Variants in CACNA1D observed in about 807,000 individuals in gnomAD.
The protein encoded by CACNA1D is calcium voltage-gated channel subunit alpha1 D.
A neutral mutation model predicts 257.1 loss-of-function variants in CACNA1D; 55 were observed. The ratio of observed to expected loss-of-function variants is 0.21; its 90% CI spans 0.17 to 0.27. The LOEUF is 0.27. Among genes scored for constraint, CACNA1D ranks in the 10% least tolerant of loss-of-function variants. The probability of loss-of-function intolerance (pLI) is 1.00; values close to 1 mark genes in which losing one functional copy is unlikely to be tolerated. For synonymous variants in CACNA1D, 980 were observed against 1,014.9 expected (o/e 0.97, Z 0.65); for missense variants, 1,876 against 2,784.0 (o/e 0.67, Z 7.34).
At chr3:53,660,506 T>G (rs1254011433) in intron 5 of CACNA1D, among the ~76,000 whole-genome samples, 1 of 152,172 alleles carries the variant, frequency 6.6e-6, no homozygotes, top group Non-Finnish European at 1.5e-5. Context: ...CGAAAGAATC[T>G]TCTCTTGCAG....
chr3:53,774,803 G>A lies in CACNA1D; in HGVS notation c.4202+125G>A. On this transcript the variant is annotated intron_variant, in intron 34 of 47. Transcript: ENST00000350061. The surrounding 1 kb of genome is among the most constrained non-coding windows in gnomAD (Gnocchi z 4.3). Reference sequence around the variant, plus strand: ...TCTCAGTTGATTGTGATGGCTTTTTGTTTTTGTTTGTTCTGTATTCTTAAA... The same window carrying A: ...TCTCAGTTGATTGTGATGGCTTTTTATTTTTGTTTGTTCTGTATTCTTAAA... 1 of 663,022 alleles carries A rather than the reference G, an allele frequency of 1.5e-6. No individual in the cohort carries two copies. Among genetic ancestry groups the A allele is most frequent in the African/African-American group, 1.8e-5 (1 of 56,122 alleles). 41.1% of individuals were successfully genotyped at this position (663,022 alleles called of 1,614,324 possible).
chr3:53,781,203 G>A (rs775660043), intron 38 of CACNA1D, among the ~76,000 whole-genome samples: 4 of 152,178 alleles, frequency 2.6e-5, no homozygotes, highest in East Asian at 1.9e-4. Flanking sequence ...AAGGAGGTAC[G>A]ATTTGGAACA....
In CACNA1D at chr3:53,673,078, T is replaced by A; in HGVS notation, c.1172T>A (p.Ile391Asn). ...TGGGTGTATTTTGTCAGTCTCGTCA[T>A]CTTTGGGTCATTTTTCGTACTAAAT... The part of the protein sequence containing the change: ...LPWVYFVSLV[I>N]FGSFFVLNLV... The change falls in exon 8 of 48, where the codon ATC becomes AAC. Residue 391 changes from isoleucine (I) to asparagine (N), a missense_variant. Physicochemically the swap from Ile to Asn is moderately radical, Grantham distance 149. This residue lies in a region of CACNA1D where 188 missense variants were observed against 390.4 expected (regional missense o/e 0.48). Transcript: ENST00000350061. This position sits in a 1 kb window ranked among gnomAD's most constrained non-coding sequence, Gnocchi z 4.1. The A allele has an allele frequency of 6.4e-7, 1 of 1,552,532 alleles. No individual in the cohort carries two copies. Among genetic ancestry groups the A allele is most frequent in the African/African-American group, 1.4e-5 (1 of 73,218 alleles).
intron 3 of CACNA1D, among the ~76,000 whole-genome samples, chr3:53,638,905 C>T (rs1395883390): frequency 6.6e-6 from 1 of 152,188 alleles, no homozygotes; most frequent in Non-Finnish European, 1.5e-5. Flanking sequence ...ACTTTCTCAG[C>T]AGTCCTTTGA....
rs572897974 is a variant in CACNA1D at position 53,495,546 on chromosome 3, C to G, written c.67+313C>G. On this transcript the variant is annotated intron_variant, in intron 1 of 47. Transcript: ENST00000350061. The surrounding 1 kb of genome is among the most constrained non-coding windows in gnomAD (Gnocchi z 5.1). Reference sequence around the variant, plus strand: ...GTCCTCGGGCTCAACTTTCCTTCAACGCCCCCGAGCGATGGCAGGAGGGCC... The same window carrying G: ...GTCCTCGGGCTCAACTTTCCTTCAAGGCCCCCGAGCGATGGCAGGAGGGCC... Among the ~76,000 whole-genome samples, 9 of 152,270 alleles carry G rather than the reference C, an allele frequency of 5.9e-5. No homozygotes were observed. In the South Asian group the frequency reaches 1.9e-3, roughly 32 times the overall value.
At chr3:53,572,138 C>G (rs1364335966) in intron 3 of CACNA1D, among the ~76,000 whole-genome samples, 1 of 152,148 alleles carries the variant, frequency 6.6e-6, no homozygotes, top group Non-Finnish European at 1.5e-5. Context: ...TGTTGCTATT[C>G]TAGACTTGTA....
intron 8 of CACNA1D, among the ~76,000 whole-genome samples, chr3:53,687,983 A>G (rs752664298): frequency 2.6e-5 from 4 of 152,258 alleles, no homozygotes; most frequent in Non-Finnish European, 4.4e-5. Flanking sequence ...CATTGTTTAT[A>G]GAAACATAAA....
chr3:53,521,356 G>T (rs2091568389), intron 3 of CACNA1D, among the ~76,000 whole-genome samples: 1 of 152,152 alleles, frequency 6.6e-6, no homozygotes, highest in African/African-American at 2.4e-5. Context: ...TCAATTTCTT[G>T]ATGGTATCCT....
intron 40 of CACNA1D, among the ~76,000 whole-genome samples, chr3:53,788,182 G>A (rs182182727): frequency 8.5e-5 from 13 of 152,272 alleles, no homozygotes; most frequent in East Asian, 1.9e-4. Flanking sequence ...TGTGTATCTC[G>A]TGGGTTAGTA....
At chr3:53,544,490 C>T (rs1199584566) in intron 3 of CACNA1D, among the ~76,000 whole-genome samples, 1 of 151,900 alleles carries the variant, frequency 6.6e-6, no homozygotes, top group Non-Finnish European at 1.5e-5. Context: ...GCTTCATGCA[C>T]TATGAAAAGG....
chr3:53,527,426 T>C (rs568645987), intron 3 of CACNA1D, among the ~76,000 whole-genome samples: 1 of 152,382 alleles, frequency 6.6e-6, no homozygotes, highest in Admixed American at 6.5e-5. Flanking sequence ...TTATTAGGAT[T>C]GTATTCTCAA....
Position 53,601,764 on chromosome 3 carries a change from G to A in CACNA1D, c.484-49015G>A, listed in dbSNP as rs113271274. ...CACCCAGGCTAGAGTGCAGAGGCAC[G>A]ATCTCAGCTTGTCTTGGCTCACTGC... On this transcript the variant is annotated intron_variant, in intron 3 of 47. Coordinates refer to ENST00000350061, the MANE Select transcript of CACNA1D (RefSeq NM_001128840.3). Among the ~76,000 whole-genome samples, 1,465 of 152,176 alleles carry A rather than the reference G, an allele frequency of 9.6e-3. 23 individuals are homozygous for A. Among genetic ancestry groups the A allele is most frequent in the African/African-American group, 0.034 (1,400 of 41,512 alleles).
Position 53,800,291 on chromosome 3 carries a change from C to T in CACNA1D, c.4966C>T (p.Arg1656Cys). The T allele has an allele frequency of 6.2e-7, 1 of 1,614,004 alleles. No homozygotes were observed. The highest frequency in any genetic ancestry group is 8.5e-7 in the Non-Finnish European group (1 of 1,179,854). ...GCATGACATTGGGCCAGAAATCCGG[C>T]GTGCTATATCGTGTGATTTGCAAGA... ...TLHDIGPEIR[R>C]AISCDLQDDE... Residue 1656 changes from arginine (R) to cysteine (C), a missense_variant, in exon 41 of 48, where the codon CGT (arginine) becomes TGT (cysteine). Arg to Cys is a radical substitution (Grantham distance 180). Transcript: ENST00000350061. The surrounding 1 kb of genome is among the most constrained non-coding windows in gnomAD (Gnocchi z 4.3).
intron 5 of CACNA1D, among the ~76,000 whole-genome samples, chr3:53,661,929 G>A (rs1254034246): frequency 6.6e-6 from 1 of 152,210 alleles, no homozygotes; most frequent in Admixed American, 6.5e-5. Context: ...AGTCTTGTAT[G>A]AGGACTTTTG....
chr3:53,712,864 A>G (rs1309449662), intron 9 of CACNA1D, among the ~76,000 whole-genome samples: 1 of 152,194 alleles, frequency 6.6e-6, no homozygotes, highest in African/African-American at 2.4e-5. Flanking sequence ...TGAGGCTACT[A>G]ATGGGACAGG....
At chr3:53,511,811 A>G (rs932368891) in intron 3 of CACNA1D, among the ~76,000 whole-genome samples, 1 of 152,194 alleles carries the variant, frequency 6.6e-6, no homozygotes, top group Non-Finnish European at 1.5e-5. Flanking sequence ...CTTTGTGCTA[A>G]CTTGGTTTAA....
intron 3 of CACNA1D, among the ~76,000 whole-genome samples, chr3:53,558,202 A>G (rs2092679949): frequency 6.6e-6 from 1 of 152,190 alleles, no homozygotes; most frequent in East Asian, 1.9e-4. Flanking sequence ...GTCTATATTC[A>G]TAAGAGATGT....
intron 3 of CACNA1D, among the ~76,000 whole-genome samples, chr3:53,542,899 A>G (rs936660775): frequency 2.6e-5 from 4 of 152,064 alleles, no homozygotes; most frequent in Non-Finnish European, 5.9e-5. Context: ...CTAAAAATAC[A>G]AAATCAGCTG....
chr3:53,745,984 T>C (rs1175714068), intron 25 of CACNA1D, 109 bp downstream of exon 25: 3 of 813,752 alleles, frequency 3.7e-6, no homozygotes, highest in Non-Finnish European at 6.3e-6. Context: ...AAAATAGGCC[T>C]GTGTGCTCAG....
Sources: allele counts gnomAD v4.1 joint callset (sites outside exome capture counted in the v4.1 genomes callset), GRCh38; gene constraint gnomAD v4.1.1; regional missense constraint gnomAD v4.1.1; non-coding constraint Gnocchi (gnomAD v3.1); transcripts MANE v1.5; gene names NCBI Gene and HGNC (gene_info 2026-07-23, HGNC 2026-07-21).